MGAT4A: variants seen among roughly 807,000 people sequenced by gnomAD.
MGAT4A encodes the protein N-acetylglucosaminyltransferase IVa.
A neutral mutation model predicts 74.1 loss-of-function variants in MGAT4A; 33 were observed. The ratio of observed to expected loss-of-function variants is 0.45; its 90% confidence interval spans 0.34 to 0.60. MGAT4A has a LOEUF of 0.60. Among genes scored for constraint, MGAT4A ranks in the 20% least tolerant of loss-of-function variants. MGAT4A has a pLI of 0.02. For synonymous variants in MGAT4A, 198 were observed against 210.4 expected (o/e 0.94, Z 0.51); for missense variants, 479 against 628.3 (o/e 0.76, Z 2.54).
intron 2 of MGAT4A, among the ~76,000 whole-genome samples, chr2:98,710,218 C>T (rs1293624600): frequency 6.6e-6 from 1 of 152,090 alleles, no homozygotes; most frequent in African/African-American, 2.4e-5. Context: ...GATGGGTCTG[C>T]AAGCATGGAA....
At chr2:98,721,294 T>C (rs560832463) in intron 2 of MGAT4A, among the ~76,000 whole-genome samples, 1 of 152,282 alleles carries the variant, frequency 6.6e-6, no homozygotes, top group East Asian at 1.9e-4. Context: ...CTAAGGGAAA[T>C]TCTTCAGGCT....
Position 98,623,664 on chromosome 2 carries a change from T to A in MGAT4A, c.*1902A>T. The A allele has an allele frequency of 1.0e-6, 1 of 985,432 alleles. No homozygotes were observed. Among genetic ancestry groups the A allele is most frequent in the African/African-American group, 1.7e-5 (1 of 57,374 alleles). The allele number at this position is 985,432 out of a possible 1,614,324, so 61.0% of individuals were successfully genotyped here. A position where few individuals can be genotyped will look rare whatever the true frequency, so the allele number is the denominator to read the frequency against. On this transcript the variant is annotated 3_prime_UTR_variant, in exon 16 of 16. Coordinates refer to ENST00000393487, the MANE Select transcript of MGAT4A (RefSeq NM_012214.3). Reference sequence around the variant, plus strand: ...GCCTTTAACTGACATAAAAATCATTTTTGGCAATGTGATTGACTTTTCAAT... The same window carrying A: ...GCCTTTAACTGACATAAAAATCATTATTGGCAATGTGATTGACTTTTCAAT...
intron 2 of MGAT4A, among the ~76,000 whole-genome samples, chr2:98,720,264 T>A (rs1043557272): frequency 6.6e-6 from 1 of 152,196 alleles, no homozygotes; most frequent in African/African-American, 2.4e-5. Context: ...ATGAGATTAG[T>A]ATTTGAATCT....
At position 98,731,031 on chromosome 2, in the gene MGAT4A, C is replaced by A. The variant is rs2104345332; in HGVS notation, c.-236+17G>T. 7.4e-6 allele frequency: 1 copy of A among 134,950 alleles called. No individual in the cohort carries two copies. The highest frequency in any genetic ancestry group is 2.0e-4 in the South Asian group (1 of 5,092). The allele number at this position is 134,950 out of a possible 1,614,324, so 8.4% of individuals were successfully genotyped here. A position where few individuals can be genotyped will look rare whatever the true frequency, so the allele number is the denominator to read the frequency against. ...TCCCGCCCCCGCGCGCCGCCGCTGC[C>A]GCCGCGAGCCCCTCACCCGCCGCTG... On this transcript the variant is annotated intron_variant, in intron 1 of 15. Transcript: ENST00000393487. The surrounding 1 kb of genome is among the most constrained non-coding windows in gnomAD (Gnocchi z 4.8).
At chr2:98,626,316 A>T (rs1319165156) in intron 14 of MGAT4A, among the ~76,000 whole-genome samples, 1 of 152,164 alleles carries the variant, frequency 6.6e-6, no homozygotes, top group Non-Finnish European at 1.5e-5. Flanking sequence ...CACATTTAGA[A>T]GGAATTAAGA....
intron 14 of MGAT4A, among the ~76,000 whole-genome samples, chr2:98,629,467 T>C (rs1701195698): frequency 6.6e-6 from 1 of 152,228 alleles, no homozygotes; most frequent in Non-Finnish European, 1.5e-5. Context: ...GATTCAGATC[T>C]TAAAAATATT....
At chr2:98,707,520 G>T (rs1702456388) in intron 2 of MGAT4A, among the ~76,000 whole-genome samples, 1 of 151,968 alleles carries the variant, frequency 6.6e-6, no homozygotes, top group Non-Finnish European at 1.5e-5. Context: ...CAATCATAAT[G>T]GTATCTGCCT....
chr2:98,659,833 G>A (rs189920439), intron 5 of MGAT4A, among the ~76,000 whole-genome samples: 1 of 152,062 alleles, frequency 6.6e-6, no homozygotes, highest in East Asian at 1.9e-4. Flanking sequence ...GCATAAAAAT[G>A]GACTAATACA....
intron 3 of MGAT4A, among the ~76,000 whole-genome samples, chr2:98,676,185 T>C (rs1293450078): frequency 6.6e-6 from 1 of 152,144 alleles, no homozygotes; most frequent in Non-Finnish European, 1.5e-5. Flanking sequence ...ATTAAAAATA[T>C]GAGAAGAACC....
chr2:98,627,810 G>A (rs1162616843), intron 14 of MGAT4A, among the ~76,000 whole-genome samples: 1 of 152,200 alleles, frequency 6.6e-6, no homozygotes, highest in African/African-American at 2.4e-5. Flanking sequence ...CTGCTGTGTG[G>A]CAGGGCAAGT....
rs1701087239 is a variant in MGAT4A at position 98,623,155 on chromosome 2, A to C, written c.*2411T>G. 4.1e-6 allele frequency: 4 copies of C among 985,480 alleles called. No individual in the cohort carries two copies. The African/African-American group carries it at 5.2e-5, about 13-fold the overall frequency. 61.0% of individuals were successfully genotyped at this position (985,480 alleles called of 1,614,324 possible). A position where few individuals can be genotyped will look rare whatever the true frequency, so the allele number is the denominator to read the frequency against. The stretch of plus-strand genomic sequence containing the variant: ...CGGGTAGATTCATGGGGAGAGAAGC[A>C]CAAAAAAGTCCTGGAATGATAGGAA... On this transcript the variant is annotated 3_prime_UTR_variant, in exon 16 of 16. Transcript: ENST00000393487.
At chr2:98,688,500 T>C (rs1702156215) in intron 2 of MGAT4A, among the ~76,000 whole-genome samples, 1 of 152,212 alleles carries the variant, frequency 6.6e-6, no homozygotes, top group East Asian at 1.9e-4. Context: ...TACACAGGAC[T>C]CCATCTCATA....
rs147756899 is a variant in MGAT4A at position 98,694,864 on chromosome 2, T to C, written c.95-16393A>G. 1,199 of 153,630 alleles carry C rather than the reference T, an allele frequency of 7.8e-3. 8 individuals are homozygous for C. Among genetic ancestry groups the C allele is most frequent in the Middle Eastern group, 0.045 (21 of 466 alleles). 9.5% of individuals were successfully genotyped at this position (153,630 alleles called of 1,614,324 possible). ...AAAACAAACAAACAAAAAACACAGA[T>C]GGTAGATAATTCCCAGGAGCTTACC... On this transcript the variant is annotated intron_variant, in intron 2 of 15. Coordinates refer to ENST00000393487, the MANE Select transcript of MGAT4A (RefSeq NM_012214.3).
intron 3 of MGAT4A, 118 bp downstream of exon 3, chr2:98,678,186 C>T (rs1212089555): frequency 1.7e-4 from 34 of 197,030 alleles, no homozygotes; most frequent in Admixed American, 3.9e-4. Context: ...GCCAAGATTG[C>T]GCCACTGCAT....
intron 2 of MGAT4A, among the ~76,000 whole-genome samples, chr2:98,701,440 G>A (rs1702354481): frequency 6.6e-6 from 1 of 152,174 alleles, no homozygotes; most frequent in Non-Finnish European, 1.5e-5. Context: ...TTAATGTTCT[G>A]TAATAACCCA....
intron 2 of MGAT4A, among the ~76,000 whole-genome samples, chr2:98,680,280 G>A (rs558011045): frequency 2.6e-5 from 4 of 152,252 alleles, no homozygotes; most frequent in Admixed American, 6.5e-5. Context: ...CTGACCTCAG[G>A]TGATCCACCT....
chr2:98,684,214 AAT>A (rs1300125260), intron 2 of MGAT4A, among the ~76,000 whole-genome samples: 1 of 152,202 alleles, frequency 6.6e-6, no homozygotes, highest in Non-Finnish European at 1.5e-5. Context: ...CCTCCAAATT[AAT>A]ATGTTTGATA....
chr2:98,622,434 G>A lies in MGAT4A; in HGVS notation c.*3132C>T, dbSNP rs770287815. The A allele has an allele frequency of 1.8e-5, 18 of 985,286 alleles. No individual in the cohort carries two copies. The highest frequency in any genetic ancestry group is 2.0e-5 in the Non-Finnish European group (17 of 829,914). The allele number at this position is 985,286 out of a possible 1,614,324, so 61.0% of individuals were successfully genotyped here. On this transcript the variant is annotated 3_prime_UTR_variant, in exon 16 of 16. Coordinates refer to ENST00000393487, the MANE Select transcript of MGAT4A (RefSeq NM_012214.3). Reference sequence around the variant, plus strand: ...GCCCCCATGTGTCTACTGGCTATATGTGTTTTTAAAACTAGTCCCAACCTT... The same window carrying A: ...GCCCCCATGTGTCTACTGGCTATATATGTTTTTAAAACTAGTCCCAACCTT...
intron 2 of MGAT4A, among the ~76,000 whole-genome samples, chr2:98,716,359 T>C (rs1232815719): frequency 6.6e-6 from 1 of 152,152 alleles, no homozygotes; most frequent in Non-Finnish European, 1.5e-5. Flanking sequence ...GGCTCACGCC[T>C]GTAATCCTAA....
Sources: allele counts gnomAD v4.1 joint callset (sites outside exome capture counted in the v4.1 genomes callset), GRCh38; gene constraint gnomAD v4.1.1; non-coding constraint Gnocchi (gnomAD v3.1); transcripts MANE v1.5; gene names NCBI Gene and HGNC (gene_info 2026-07-23, HGNC 2026-07-21).